SMIM21: variants seen among roughly 807,000 people sequenced by gnomAD.
SMIM21 encodes the protein chromosome 18 open reading frame 62.
A neutral mutation model predicts 8.6 loss-of-function variants in SMIM21; 8 were observed. The observed-to-expected ratio is 0.93, with a 90% CI of 0.55 to 1.68. The LOEUF is 1.68. Ranked by LOEUF, SMIM21 falls within the 40% of genes most tolerant of loss-of-function variation. The pLI is 0.00. For synonymous variants in SMIM21, 43 were observed against 41.7 expected, an observed-to-expected ratio of 1.03 and a Z score of -0.12; for missense variants, 132 against 123.0, an observed-to-expected ratio of 1.07 and a Z score of -0.35.
rs376444836 is a variant in SMIM21 at position 75,409,528 on chromosome 18, G to T, written c.*1336C>A. On this transcript the variant is annotated 3_prime_UTR_variant, in exon 3 of 3. Coordinates refer to ENST00000579022, the MANE Select transcript of SMIM21 (RefSeq NM_001037331.3). ...TGTAACAGGTCCCCTTCCATAAGCT[G>T]GTTTCTTTGTGAACACCATCCATTC... 3 of 152,222 alleles carry T rather than the reference G, an allele frequency of 2.0e-5. No individual in the cohort carries two copies. The highest frequency in any genetic ancestry group is 4.4e-5 in the Non-Finnish European group (3 of 68,062). The allele number at this position is 152,222 out of a possible 1,614,324, so 9.4% of individuals were successfully genotyped here. A position where few individuals can be genotyped will look rare whatever the true frequency, so the allele number is the denominator to read the frequency against.
At position 75,409,659 on chromosome 18, in the gene SMIM21, CTGTGTGTGTGTGTG is replaced by C; in HGVS notation, c.*1191_*1204del. The C allele has an allele frequency of 6.7e-6, 1 of 149,618 alleles. No individual in the cohort carries two copies. Among genetic ancestry groups the C allele is most frequent in the Non-Finnish European group, 1.5e-5 (1 of 67,344 alleles). 9.3% of individuals were successfully genotyped at this position (149,618 alleles called of 1,614,324 possible). A position where few individuals can be genotyped will look rare whatever the true frequency, so the allele number is the denominator to read the frequency against. On this transcript the variant is annotated 3_prime_UTR_variant, in exon 3 of 3. Transcript: ENST00000579022. The stretch of plus-strand genomic sequence containing the variant: ...GACTGTTCCATCGGTGACAAGAACT[CTGTGTGTGTGTGTG>C]TGTGTGTATGTGTGTAAGAATAGTC...
intron 2 of SMIM21, chr18:75,417,441 T>G (rs141708932): frequency 6.6e-6 from 1 of 152,154 alleles, no homozygotes; most frequent in Non-Finnish European, 1.5e-5. Flanking sequence ...GAAATGTCAT[T>G]TATAACTCAT....
At chr18:75,425,163 G>A (rs546622606) in intron 1 of SMIM21, among the ~76,000 whole-genome samples, 15 of 152,292 alleles carry the variant, frequency 9.8e-5, no homozygotes, top group African/African-American at 3.1e-4. Flanking sequence ...TTGGATTTTC[G>A]TCGTCTGTGC....
intron 2 of SMIM21, chr18:75,416,815 T>G (rs1357016304): frequency 6.6e-6 from 1 of 152,304 alleles, no homozygotes; most frequent in African/African-American, 2.4e-5. Flanking sequence ...TGTGCTGCTT[T>G]TTTTGTTCCA....
rs2024572021 is a variant in SMIM21, at chr18:75,410,536, T to C, written c.*328A>G. The C allele has an allele frequency of 5.7e-6, 2 of 350,132 alleles. No individual in the cohort carries two copies. Among genetic ancestry groups the C allele is most frequent in the African/African-American group, 4.2e-5 (2 of 47,924 alleles). The allele number at this position is 350,132 out of a possible 1,614,324, so 21.7% of individuals were successfully genotyped here. On this transcript the variant is annotated 3_prime_UTR_variant, in exon 3 of 3. Transcript: ENST00000579022. ...AAAGTTACAGCAGCAATTGAAAATATGACTACAGGCTTGATGTCCTAATGA... is the reference window on the plus strand; with the variant it reads ...AAAGTTACAGCAGCAATTGAAAATACGACTACAGGCTTGATGTCCTAATGA...
intron 1 of SMIM21, among the ~76,000 whole-genome samples, chr18:75,426,725 G>A (rs1334687624): frequency 1.3e-5 from 2 of 150,518 alleles, no homozygotes; most frequent in African/African-American, 2.4e-5. Flanking sequence ...GACAGAGGAA[G>A]GAGATGCTAC....
At chr18:75,418,129 G>C in intron 2 of SMIM21, 2 of 398,242 alleles carry the variant, frequency 5.0e-6, no homozygotes, top group East Asian at 3.6e-5. Flanking sequence ...TTATTTTTCC[G>C]AGTGAGGCTG....
At chr18:75,425,349 A>G (rs1273517266) in intron 1 of SMIM21, among the ~76,000 whole-genome samples, 1 of 152,190 alleles carries the variant, frequency 6.6e-6, no homozygotes, top group African/African-American at 2.4e-5. Context: ...CTGATCAGAA[A>G]CATAGTGGAA....
chr18:75,419,211 A>G (rs932928844), intron 1 of SMIM21, among the ~76,000 whole-genome samples: 4 of 152,316 alleles, frequency 2.6e-5, no homozygotes, highest in South Asian at 2.1e-4. Context: ...CGAGTTCCCT[A>G]TTAAGTTGAG....
intron 1 of SMIM21, among the ~76,000 whole-genome samples, chr18:75,423,892 A>G (rs1218295746): frequency 6.6e-6 from 1 of 152,224 alleles, no homozygotes; most frequent in African/African-American, 2.4e-5. Context: ...CTTAATGAGC[A>G]AAGACACGGT....
At chr18:75,420,224 A>T (rs953823199) in intron 1 of SMIM21, among the ~76,000 whole-genome samples, 2 of 152,210 alleles carry the variant, frequency 1.3e-5, no homozygotes, top group Admixed American at 1.3e-4. Flanking sequence ...GGGTTGTATC[A>T]TGTTTGAATT....
intron 1 of SMIM21, among the ~76,000 whole-genome samples, chr18:75,426,681 G>GAAAAAAAAA: frequency 8.4e-6 from 1 of 118,354 alleles, no homozygotes. Context: ...ATGGAAAAAG[G>GAAAAAAAAA]AAAAGGAAAT....
At chr18:75,414,934 C>A (rs758554498) in intron 2 of SMIM21, among the ~76,000 whole-genome samples, 14 of 152,086 alleles carry the variant, frequency 9.2e-5, no homozygotes, top group Non-Finnish European at 1.8e-4. Flanking sequence ...TCAGAGAACA[C>A]AAAATATTCA....
At chr18:75,418,282 G>T (rs973223301) in intron 2 of SMIM21, 1 of 396,910 alleles carries the variant, frequency 2.5e-6, no homozygotes, top group African/African-American at 2.1e-5. Flanking sequence ...TTATCTGTTG[G>T]TACACAGAGA....
rs568329168 is a variant in SMIM21, at chr18:75,410,738, A to C, written c.*126T>G. The C allele has an allele frequency of 4.0e-6, 6 of 1,516,308 alleles. No homozygotes were observed. The East Asian group carries it at 1.4e-4, about 36-fold the overall frequency. The allele number at this position is 1,516,308 out of a possible 1,614,324, so 93.9% of individuals were successfully genotyped here. A position where few individuals can be genotyped will look rare whatever the true frequency, so the allele number is the denominator to read the frequency against. ...TACACGTTCTTCATTCTCTCTGTGG[A>C]GCTCCTTTTAAAAAGTGAGCAATAA... On this transcript the variant is annotated 3_prime_UTR_variant, in exon 3 of 3. Transcript: ENST00000579022.
chr18:75,417,984 A>AT (rs1436699442), intron 2 of SMIM21: 11 of 381,050 alleles, frequency 2.9e-5, no homozygotes, highest in Non-Finnish European at 5.1e-5. Flanking sequence ...TAAGCTTTTT[A>AT]TTTTTTTGTT....
chr18:75,414,086 C>T (rs1293554568), intron 2 of SMIM21, among the ~76,000 whole-genome samples: 4 of 145,682 alleles, frequency 2.7e-5, no homozygotes, highest in African/African-American at 2.5e-5. Context: ...CACACACACA[C>T]ACACACACAC....
At chr18:75,411,160 A>C (rs2024579921) in intron 2 of SMIM21, among the ~76,000 whole-genome samples, 1 of 152,204 alleles carries the variant, frequency 6.6e-6, no homozygotes, top group Non-Finnish European at 1.5e-5. Flanking sequence ...TGAAACACCA[A>C]AGGCCACAAA....
chr18:75,410,971 A>G, intron 2 of SMIM21, 62 bp from the exon 3 acceptor site: 1 of 1,579,108 alleles, frequency 6.3e-7, no homozygotes, highest in African/African-American at 1.4e-5. Context: ...TCAAAATATT[A>G]CAATAAAATT....
Sources: allele counts gnomAD v4.1 joint callset (sites outside exome capture counted in the v4.1 genomes callset), GRCh38; gene constraint gnomAD v4.1.1; transcripts MANE v1.5; gene names NCBI Gene and HGNC (gene_info 2026-07-23, HGNC 2026-07-21).